Variants in CBFA2T3 observed in about 807,000 individuals in gnomAD.
CBFA2T3 encodes CBFA2/RUNX1 partner transcriptional co-repressor 3, also known as transcriptional corepressor CBFA2T3.
CBFA2T3 carries 31 observed loss-of-function variants against 58.6 expected under a neutral mutation model. The ratio of observed to expected loss-of-function variants is 0.53; its 90% confidence interval spans 0.40 to 0.71. The LOEUF is 0.71. Ranked by LOEUF, CBFA2T3 falls within the 30% of genes least tolerant of loss-of-function variation. The pLI, the probability that CBFA2T3 is intolerant of heterozygous loss-of-function variation, is 0.00. For synonymous variants in CBFA2T3, 531 were observed against 421.9 expected, an observed-to-expected ratio of 1.26 and a Z score of -3.17; for missense variants, 1,076 against 963.1, an observed-to-expected ratio of 1.12 and a Z score of -1.55.
rs1415147984 is a variant in CBFA2T3 at position 88,976,643 on chromosome 16, C to T, written c.151+14G>A. The T allele has an allele frequency of 6.5e-7, 1 of 1,548,314 alleles. No homozygotes were observed. Among genetic ancestry groups the T allele is most frequent in the South Asian group, 1.2e-5 (1 of 84,416 alleles). ...TCTGCCCCCACCCCACCACCTTCCC[C>T]TCGAGCCTCTTACCTGGGCCGCCCT... On this transcript the variant is annotated intron_variant, in intron 1 of 11. Coordinates refer to ENST00000268679, the MANE Select transcript of CBFA2T3 (RefSeq NM_005187.6).
intron 1 of CBFA2T3, among the ~76,000 whole-genome samples, chr16:88,924,076 C>G (rs1405318224): frequency 1.3e-5 from 2 of 152,146 alleles, no homozygotes; most frequent in Non-Finnish European, 2.9e-5. Context: ...GCAACCCAGC[C>G]AGGGCTAAAG....
rs1971485674 is a variant in CBFA2T3 at position 88,935,993 on chromosome 16, C to G, written c.152-34337G>C. On this transcript the variant is annotated intron_variant, in intron 1 of 11. Coordinates refer to ENST00000268679, the MANE Select transcript of CBFA2T3 (RefSeq NM_005187.6). ...GAGGGGCTGCCCATCCCCCTCCCCGCTGCCTCCGGGAACAGGGCAGGGGGC... is the reference window on the plus strand; with the variant it reads ...GAGGGGCTGCCCATCCCCCTCCCCGGTGCCTCCGGGAACAGGGCAGGGGGC... 2.0e-5 allele frequency among the ~76,000 whole-genome samples: 3 copies of G among 152,310 alleles called. 1 individual carries two copies. The South Asian group carries it at 6.2e-4, about 32-fold the overall frequency.
chr16:88,879,473 T>C lies in CBFA2T3; in HGVS notation c.1472-13A>G, dbSNP rs764900166. 4 of 1,599,994 alleles carry C rather than the reference T, an allele frequency of 2.5e-6. No individual in the cohort carries two copies. Among genetic ancestry groups the C allele is most frequent in the Non-Finnish European group, 2.6e-6 (3 of 1,169,026 alleles). On this transcript the variant is annotated splice_polypyrimidine_tract_variant and intron_variant, in intron 10 of 11. Transcript: ENST00000268679. ...TTCACGGCCTCTTCTGCAAAGGACATGGGCAGGGCTGGCGGTCACATGGGC... is the reference window on the plus strand; with the variant it reads ...TTCACGGCCTCTTCTGCAAAGGACACGGGCAGGGCTGGCGGTCACATGGGC...
At chr16:88,929,249 G>C (rs963233872) in intron 1 of CBFA2T3, among the ~76,000 whole-genome samples, 2 of 150,388 alleles carry the variant, frequency 1.3e-5, no homozygotes, top group African/African-American at 5.0e-5. Flanking sequence ...AACAACCCAG[G>C]GCGCCCCTGA....
At chr16:88,969,049 C>T (rs1441485229) in intron 1 of CBFA2T3, among the ~76,000 whole-genome samples, 1 of 152,156 alleles carries the variant, frequency 6.6e-6, no homozygotes, top group Non-Finnish European at 1.5e-5. Context: ...CGGCCTGGTG[C>T]CCCCGTTTTG....
At chr16:88,969,003 C>T (rs1332140679) in intron 1 of CBFA2T3, among the ~76,000 whole-genome samples, 1 of 152,192 alleles carries the variant, frequency 6.6e-6, no homozygotes, top group Admixed American at 6.5e-5. Context: ...GGGAGCCCAG[C>T]CAGAGCAAGC....
At chr16:88,916,268 G>GT (rs1187999691) in intron 1 of CBFA2T3, among the ~76,000 whole-genome samples, 2 of 150,086 alleles carry the variant, frequency 1.3e-5, no homozygotes, top group African/African-American at 5.0e-5. Context: ...GTGCATGGCT[G>GT]TGTCTGTGTA....
At chr16:88,930,020 C>G (rs78499465) in intron 1 of CBFA2T3, among the ~76,000 whole-genome samples, 2 of 143,634 alleles carry the variant, frequency 1.4e-5, no homozygotes, top group Non-Finnish European at 3.0e-5. Context: ...ACAGCTGCAT[C>G]ATCCACGCAA....
rs948108508 is a variant in CBFA2T3, at chr16:88,894,606, T to C, written c.380-2121A>G. ...CATACATATACACATGCACACAATG[T>C]ACACACATGCACACACACATGCACG... On this transcript the variant is annotated intron_variant, in intron 3 of 11. Transcript: ENST00000268679. Among the ~76,000 whole-genome samples the C allele has an allele frequency of 1.1e-4, 16 of 142,174 alleles. 1 individual carries two copies. The highest frequency in any genetic ancestry group is 4.6e-4 in the African/African-American group (15 of 32,672). 93.3% of individuals were successfully genotyped at this position (142,174 alleles called of 152,430 possible).
chr16:88,920,640 G>A (rs922284777), intron 1 of CBFA2T3, among the ~76,000 whole-genome samples: 4 of 152,202 alleles, frequency 2.6e-5, no homozygotes, highest in Non-Finnish European at 5.9e-5. Flanking sequence ...GGTGCATGGT[G>A]ACGGAGTGGC....
intron 1 of CBFA2T3, among the ~76,000 whole-genome samples, chr16:88,935,071 C>G (rs1423710165): frequency 2.0e-5 from 3 of 152,244 alleles, no homozygotes; most frequent in Non-Finnish European, 4.4e-5. Flanking sequence ...GAGCTGAAGG[C>G]CACGTGGTGG....
intron 2 of CBFA2T3, 74 bp from the exon 3 acceptor site, chr16:88,898,226 G>C: frequency 1.7e-6 from 2 of 1,167,424 alleles, no homozygotes; most frequent in Non-Finnish European, 2.5e-6. Flanking sequence ...GGGCGCCCGC[G>C]GCCACCTTTT....
At position 88,876,884 on chromosome 16, in the gene CBFA2T3, C is replaced by T; in HGVS notation, c.*92G>A. The stretch of plus-strand genomic sequence containing the variant: ...AGGCGGGGCGCAGTGTCTGGCAGGC[C>T]AGGCATCGGAGGCCAGGCACAGCAT... On this transcript the variant is annotated 3_prime_UTR_variant, in exon 12 of 12. Transcript: ENST00000268679. 9.5e-7 allele frequency: 1 copy of T among 1,053,234 alleles called. No homozygotes were observed. The highest frequency in any genetic ancestry group is 3.1e-5 in the East Asian group (1 of 32,172). The allele number at this position is 1,053,234 out of a possible 1,614,324, so 65.2% of individuals were successfully genotyped here. A position where few individuals can be genotyped will look rare whatever the true frequency, so the allele number is the denominator to read the frequency against.
At chr16:88,901,276 A>C (rs925449452) in intron 2 of CBFA2T3, among the ~76,000 whole-genome samples, 3 of 152,184 alleles carry the variant, frequency 2.0e-5, no homozygotes, top group African/African-American at 7.2e-5. Flanking sequence ...CAGAAGAGGA[A>C]GCCCAGGCCC....
At position 88,875,804 on chromosome 16, in the gene CBFA2T3, T is replaced by G. The variant is rs1168825782; in HGVS notation, c.*1172A>C. 1.3e-5 allele frequency: 3 copies of G among 233,376 alleles called. No individual in the cohort carries two copies. Among genetic ancestry groups the G allele is most frequent in the African/African-American group, 2.2e-5 (1 of 45,304 alleles). The allele number at this position is 233,376 out of a possible 1,614,324, so 14.5% of individuals were successfully genotyped here. A position where few individuals can be genotyped will look rare whatever the true frequency, so the allele number is the denominator to read the frequency against. ...TTATGCTCTCTCTGGGAAGAAAACT[T>G]TAGCACTTTTTTTCCACAAGTGGAA... On this transcript the variant is annotated 3_prime_UTR_variant, in exon 12 of 12. Transcript: ENST00000268679.
At chr16:88,886,204 G>T in intron 5 of CBFA2T3, 62 bp from the exon 6 acceptor site, 2 of 1,256,922 alleles carry the variant, frequency 1.6e-6, no homozygotes, top group Non-Finnish European at 2.1e-6. Context: ...GCTCAGGTCC[G>T]AGCAGAGGGG....
chr16:88,911,889 C>T (rs1385696884), intron 1 of CBFA2T3, among the ~76,000 whole-genome samples: 1 of 152,260 alleles, frequency 6.6e-6, no homozygotes, highest in African/African-American at 2.4e-5. Context: ...CCCCCTCCTG[C>T]CTCGCAGCTG....
rs1406987240 is a variant in CBFA2T3, at chr16:88,892,411, G to A, written c.454C>T (p.Pro152Ser). 2 of 1,613,596 alleles carry A rather than the reference G, an allele frequency of 1.2e-6. No homozygotes were observed. The change falls in exon 4 of 12, where the codon CCG becomes TCG. Residue 152 changes from proline (P) to serine (S), a missense_variant. Coordinates refer to ENST00000268679, the MANE Select transcript of CBFA2T3 (RefSeq NM_005187.6). ...PCTPNGFSNG[P>S]ATSSTASLST... is the part of the protein sequence containing the mutation. ...AAGGAGGCTGTGGACGAGGTGGCCG[G>A]GCCATTGCTGAAGCCGTTGGGTGTG...
intron 7 of CBFA2T3, among the ~76,000 whole-genome samples, chr16:88,882,998 G>A (rs888242512): frequency 6.6e-6 from 1 of 152,196 alleles, no homozygotes; most frequent in African/African-American, 2.4e-5. Context: ...CGCCTCCAAG[G>A]GAGGGTTCAG....
Sources: allele counts gnomAD v4.1 joint callset (sites outside exome capture counted in the v4.1 genomes callset), GRCh38; gene constraint gnomAD v4.1.1; transcripts MANE v1.5; gene names NCBI Gene and HGNC (gene_info 2026-07-23, HGNC 2026-07-21).